MMP28: variants seen among roughly 807,000 people sequenced by gnomAD.
MMP28 encodes matrix metalloproteinase-28.
MMP28 carries 55 observed loss-of-function variants against 60.5 expected under a neutral mutation model. The observed-to-expected ratio is 0.91, with a 90% confidence interval of 0.73 to 1.14. The LOEUF (loss-of-function observed/expected upper bound fraction) is 1.14, where lower values mean the gene tolerates loss of function less well. MMP28 is among the 50% of genes most tolerant of loss of function. The pLI is 0.00. For synonymous variants in MMP28, 318 were observed against 312.5 expected (o/e 1.02, Z -0.18); for missense variants, 686 against 738.3 (o/e 0.93, Z 0.82).
chr17:35,770,604 C>T (rs1361239135), intron 4 of MMP28, among the ~76,000 whole-genome samples: 1 of 152,194 alleles, frequency 6.6e-6, no homozygotes, highest in Non-Finnish European at 1.5e-5. Flanking sequence ...AATCTACTAG[C>T]TGTATGACCT....
chr17:35,766,157 C>G lies in MMP28; in HGVS notation c.*343G>C. The G allele has an allele frequency of 9.3e-7, 1 of 1,069,678 alleles. No individual in the cohort carries two copies. Among genetic ancestry groups the G allele is most frequent in the Non-Finnish European group, 1.1e-6 (1 of 884,188 alleles). 66.3% of individuals were successfully genotyped at this position (1,069,678 alleles called of 1,614,324 possible). On this transcript the variant is annotated 3_prime_UTR_variant, in exon 8 of 8. Coordinates refer to ENST00000605424, the MANE Select transcript of MMP28 (RefSeq NM_024302.5). This position sits in a 1 kb window ranked among gnomAD's most constrained non-coding sequence, Gnocchi z 4.3. ...CTCTGCTGAGTTTTTCATCCCCCTGCTTGGATCCCAGTGCTGTTACCTCTT... is the reference window on the plus strand; with the variant it reads ...CTCTGCTGAGTTTTTCATCCCCCTGGTTGGATCCCAGTGCTGTTACCTCTT...
chr17:35,791,422 C>T (rs1458070945), intron 1 of MMP28, among the ~76,000 whole-genome samples: 1 of 151,916 alleles, frequency 6.6e-6, no homozygotes, highest in Non-Finnish European at 1.5e-5. Context: ...TCTGTAGTTC[C>T]AGGTACTCAG....
At chr17:35,791,722 G>A (rs906120342) in intron 1 of MMP28, among the ~76,000 whole-genome samples, 3 of 151,996 alleles carry the variant, frequency 2.0e-5, no homozygotes, top group African/African-American at 7.3e-5. Flanking sequence ...TTCCATTTTG[G>A]CTGGCCCAGA....
At chr17:35,784,511 G>A (rs931233357) in intron 1 of MMP28, among the ~76,000 whole-genome samples, 2 of 152,128 alleles carry the variant, frequency 1.3e-5, no homozygotes, top group African/African-American at 4.8e-5. Context: ...GCTCCTGGAG[G>A]TGTCCCTAAC....
chr17:35,782,337 GAGCCACCGCGCCC>G (rs982015679), intron 1 of MMP28, among the ~76,000 whole-genome samples: 3 of 152,144 alleles, frequency 2.0e-5, no homozygotes, highest in South Asian at 2.1e-4. Context: ...TTACAGGCGT[GAGCCACCGCGCCC>G]AGCCACCATG....
Position 35,766,236 on chromosome 17 carries a change from C to T in MMP28, c.*264G>A. The T allele has an allele frequency of 4.0e-6, 5 of 1,265,366 alleles. No individual in the cohort carries two copies. The highest frequency in any genetic ancestry group is 4.0e-6 in the Non-Finnish European group (4 of 1,004,470). The allele number at this position is 1,265,366 out of a possible 1,614,324, so 78.4% of individuals were successfully genotyped here. A position where few individuals can be genotyped will look rare whatever the true frequency, so the allele number is the denominator to read the frequency against. On this transcript the variant is annotated 3_prime_UTR_variant, in exon 8 of 8. Transcript: ENST00000605424. The surrounding 1 kb of genome is among the most constrained non-coding windows in gnomAD (Gnocchi z 4.3). The stretch of plus-strand genomic sequence containing the variant: ...ACAAAGGCCTGGGGAGGATAGAAGT[C>T]CTCGGAGGAAAGGGCCAAGGGATCT...
chr17:35,795,210 G>C, intron 1 of MMP28, 57 bp downstream of exon 1: 1 of 1,226,494 alleles, frequency 8.2e-7, no homozygotes. Context: ...CCTGACTGCC[G>C]AGTTCTGACA....
chr17:35,764,163 C>T (rs374889229), downstream of MMP28: 2 of 1,548,666 alleles, frequency 1.3e-6, no homozygotes, highest in Non-Finnish European at 1.7e-6. Flanking sequence ...CCGCGGGTAG[C>T]GGAGGAGGGC....
Position 35,779,001 on chromosome 17 carries a change from G to GT in MMP28, c.265_266insA (p.Pro89HisfsTer16), listed in dbSNP as rs754748330. 1 of 1,614,064 alleles carries GT rather than the reference G, an allele frequency of 6.2e-7. No individual in the cohort carries two copies. Among genetic ancestry groups the GT allele is most frequent in the East Asian group, 2.2e-5 (1 of 44,890 alleles). The stretch of plus-strand genomic sequence containing the variant: ...GTTGGTATCTGTAACCCCGCAGCGG[G>GT]GACGAGTCATCTGGCGCAGGGTGGC... On this transcript the variant is annotated frameshift_variant, in exon 3 of 8. Transcript: ENST00000605424. LOFTEE classifies it high-confidence loss of function.
chr17:35,764,301 G>A (rs933336518), downstream of MMP28: 48 of 1,508,698 alleles, frequency 3.2e-5, no homozygotes, highest in African/African-American at 5.2e-4. Context: ...GCGCTGCTGG[G>A]CGGCCTAACA....
intron 1 of MMP28, among the ~76,000 whole-genome samples, chr17:35,781,498 A>G (rs1345041209): frequency 1.3e-5 from 2 of 152,130 alleles, no homozygotes; most frequent in Non-Finnish European, 2.9e-5. Flanking sequence ...GGGTCCAGGT[A>G]CCTTTGACTC....
In MMP28 at chr17:35,773,266, GC is replaced by G; in HGVS notation, c.517del (p.Ala173ProfsTer54). ...SNVSALEFWE[A>X]PATGPADIRL... ...GATGTCAGCGGGGCCTGTGGCTGGGGCCTCCCAGAACTCCAGCGCTGAGACG... is the reference window on the plus strand; with the variant it reads ...GATGTCAGCGGGGCCTGTGGCTGGGGCTCCCAGAACTCCAGCGCTGAGACG... On this transcript the variant is annotated frameshift_variant, in exon 4 of 8. Transcript: ENST00000605424. LOFTEE classifies it high-confidence loss of function. The G allele has an allele frequency of 6.2e-7, 1 of 1,614,044 alleles. No homozygotes were observed. The highest frequency in any genetic ancestry group is 8.5e-7 in the Non-Finnish European group (1 of 1,179,904).
intron 1 of MMP28, among the ~76,000 whole-genome samples, chr17:35,785,588 C>T (rs2086623226): frequency 6.6e-6 from 1 of 152,136 alleles, no homozygotes; most frequent in African/African-American, 2.4e-5. Context: ...GCTGGGACTA[C>T]AGGCGCCCAC....
chr17:35,767,035 A>G (rs895428224), intron 7 of MMP28, 141 bp from the exon 8 acceptor site: 18 of 811,700 alleles, frequency 2.2e-5, no homozygotes, highest in Middle Eastern at 4.3e-4. Context: ...AACGGATTGC[A>G]CTACAAATTA....
chr17:35,772,711 T>C (rs2086195099), intron 4 of MMP28, among the ~76,000 whole-genome samples: 1 of 152,134 alleles, frequency 6.6e-6, no homozygotes, highest in Admixed American at 6.5e-5. Flanking sequence ...ATCTGTGGCG[T>C]AGGTATATGA....
rs765569858 is a variant in MMP28 at position 35,770,243 on chromosome 17, G to T, written c.674C>A (p.Ser225Tyr). 6.3e-7 allele frequency: 1 copy of T among 1,589,270 alleles called. No homozygotes were observed. The highest frequency in any genetic ancestry group is 8.5e-7 in the Non-Finnish European group (1 of 1,174,244). The stretch of plus-strand genomic sequence containing the variant: ...GTTGCGCCCGCGGCGGCGGCTCAGG[G>T]ACCAGCGCTCATCTTGGTCGAAGTG... ...EAHFDQDERWSLSRRRGRNLF... is the reference protein window; with the variant it reads ...EAHFDQDERWYLSRRRGRNLF... Residue 225 changes from serine (S) to tyrosine (Y), a missense_variant, in exon 5 of 8, where the codon TCC (serine) becomes TAC (tyrosine). Physicochemically the swap from Ser to Tyr is moderately radical, Grantham distance 144. Coordinates refer to ENST00000605424, the MANE Select transcript of MMP28 (RefSeq NM_024302.5).
intron 2 of MMP28, among the ~76,000 whole-genome samples, chr17:35,760,373 C>T (rs868983554): frequency 1.3e-5 from 2 of 152,190 alleles, no homozygotes; most frequent in African/African-American, 2.4e-5. Context: ...GCCTGGTACC[C>T]GAGTCCTACT....
At chr17:35,764,336 G>A (rs1329392075), downstream of MMP28, 1 of 1,462,798 alleles carries the variant, frequency 6.8e-7, no homozygotes, top group Non-Finnish European at 9.0e-7. Context: ...GTGCCTGCGC[G>A]CTCCTCGACC....
chr17:35,781,578 G>A (rs937339567), intron 1 of MMP28, among the ~76,000 whole-genome samples: 1 of 152,184 alleles, frequency 6.6e-6, no homozygotes, highest in African/African-American at 2.4e-5. Context: ...GGAGAGAAAA[G>A]TGTGACTATT....
Sources: allele counts gnomAD v4.1 joint callset (sites outside exome capture counted in the v4.1 genomes callset), GRCh38; gene constraint gnomAD v4.1.1; non-coding constraint Gnocchi (gnomAD v3.1); transcripts MANE v1.5; gene names NCBI Gene and HGNC (gene_info 2026-07-23, HGNC 2026-07-21).